The following DOCK10 variants were observed in gnomAD, a reference collection of about 807,000 sequenced individuals.
DOCK10 encodes the protein dedicator of cytokinesis 10.
DOCK10 carries 145 observed loss-of-function variants against 280.1 expected under a neutral mutation model. That is an observed-to-expected ratio of 0.52 (90% CI 0.45 to 0.59). The LOEUF is 0.59. Among genes scored for constraint, DOCK10 ranks in the 20% least tolerant of loss-of-function variants. The probability of loss-of-function intolerance (pLI) is 0.00; values close to 1 mark genes in which losing one functional copy is unlikely to be tolerated. For synonymous variants in DOCK10, 915 were observed against 942.2 expected, an observed-to-expected ratio of 0.97 and a Z score of 0.53; for missense variants, 2,368 against 2,651.7, an observed-to-expected ratio of 0.89 and a Z score of 2.35.
chr2:224,909,256 T>TGG (rs1700860492), intron 3 of DOCK10, among the ~76,000 whole-genome samples: 1 of 152,218 alleles, frequency 6.6e-6, no homozygotes, highest in Non-Finnish European at 1.5e-5. Flanking sequence ...AAACCCCTTG[T>TGG]GGGAGTGGTG....
intron 1 of DOCK10, among the ~76,000 whole-genome samples, chr2:225,038,186 G>A (rs763856336): frequency 1.3e-5 from 2 of 151,948 alleles, no homozygotes; most frequent in Non-Finnish European, 2.9e-5. Context: ...TCTGGATAGC[G>A]ACAGCAAAAC....
intron 3 of DOCK10, among the ~76,000 whole-genome samples, chr2:224,907,121 T>G (rs1046722324): frequency 2.0e-5 from 3 of 152,190 alleles, no homozygotes; most frequent in Non-Finnish European, 4.4e-5. Context: ...TGCCACCGGA[T>G]TCACAGTTGC....
chr2:224,864,928 T>A lies in DOCK10; in HGVS notation c.1417A>T (p.Arg473Ter). The A allele has an allele frequency of 6.2e-7, 1 of 1,613,996 alleles. No homozygotes were observed. Among genetic ancestry groups the A allele is most frequent in the Non-Finnish European group, 8.5e-7 (1 of 1,179,888 alleles). Reference sequence around the variant, plus strand: ...TTGATGTGAGGTTCTTCTGATTGTCTTGGAGTGATGGTGTCGATGTTGCCA... The same window carrying A: ...TTGATGTGAGGTTCTTCTGATTGTCATGGAGTGATGGTGTCGATGTTGCCA... ...ENGNIDTITP[R>*]QSEEPHIKGL... is the part of the protein sequence containing the mutation. Residue 473 changes from arginine to a stop codon, truncating the protein, a stop_gained, in exon 12 of 56, where the codon AGA becomes TGA. Coordinates refer to ENST00000258390, the MANE Select transcript of DOCK10 (RefSeq NM_014689.3). LOFTEE classifies it high-confidence loss of function.
chr2:225,027,097 T>C (rs1235151296), intron 1 of DOCK10, among the ~76,000 whole-genome samples: 1 of 152,158 alleles, frequency 6.6e-6, no homozygotes, highest in Non-Finnish European at 1.5e-5. Context: ...AGGGAATATA[T>C]GGAGAAAGAA....
rs544405109 is a variant in DOCK10 at position 224,876,539 on chromosome 2, G to T, written c.748-318C>A. 2.8e-4 allele frequency among the ~76,000 whole-genome samples: 42 copies of T among 152,272 alleles called. 1 individual carries two copies. The South Asian group carries it at 8.5e-3, about 31-fold the overall frequency. ...AAGAGTTTCTTTGAGTTTCTGCCTT[G>T]ACTTTCTCACCTTATATTCTGTGAT... On this transcript the variant is annotated intron_variant, in intron 7 of 55. Coordinates refer to ENST00000258390, the MANE Select transcript of DOCK10 (RefSeq NM_014689.3).
chr2:224,811,171 G>A (rs1401847051), intron 31 of DOCK10, among the ~76,000 whole-genome samples: 3 of 152,096 alleles, frequency 2.0e-5, no homozygotes, highest in African/African-American at 2.4e-5. Context: ...TTTAATGATC[G>A]CCATTCTAGC....
intron 1 of DOCK10, among the ~76,000 whole-genome samples, chr2:224,993,355 A>AGTAAATG (rs1413837556): frequency 6.6e-6 from 1 of 152,190 alleles, no homozygotes; most frequent in Non-Finnish European, 1.5e-5. Context: ...GATAAGGAGG[A>AGTAAATG]GTAAATGAGA....
At position 224,807,680 on chromosome 2, in the gene DOCK10, A is replaced by G; in HGVS notation, c.3690T>C (p.Asn1230=). The part of the protein sequence containing the change: ...YLKDLYPFTV[N]TSNQGSRDDL... ...TGTGCAAACGTACCTGATTAGATGT[A>G]TTGACAGTAAAAGGATACAGGTCCT... The change falls in exon 33 of 56, where the codon AAT becomes AAC. Residue 1230 remains asparagine, a synonymous_variant. Transcript: ENST00000258390. 6.4e-7 allele frequency: 1 copy of G among 1,555,630 alleles called. No individual in the cohort carries two copies.
Position 224,921,107 on chromosome 2 carries a change from AAAAAAAT to A in DOCK10, c.244-4330_244-4324del, listed in dbSNP as rs1185831290. Among the ~76,000 whole-genome samples, 208 of 68,422 alleles carry A rather than the reference AAAAAAAT, an allele frequency of 3.0e-3. 5 individuals are homozygous for A. The highest frequency in any genetic ancestry group is 0.011 in the African/African-American group (175 of 16,030). 44.9% of individuals were successfully genotyped at this position (68,422 alleles called of 152,430 possible). ...CCGTCTCTATTAAAAAAAAAAAAAAAAAAAAATATATATATATATATATATATAATGT... is the reference window on the plus strand; with the variant it reads ...CCGTCTCTATTAAAAAAAAAAAAAAAATATATATATATATATATATAATGT... On this transcript the variant is annotated intron_variant, in intron 2 of 55. Transcript: ENST00000258390.
chr2:224,949,553 T>C (rs1302055877), intron 1 of DOCK10, among the ~76,000 whole-genome samples: 1 of 152,168 alleles, frequency 6.6e-6, no homozygotes, highest in Non-Finnish European at 1.5e-5. Flanking sequence ...AAGATATCTC[T>C]AAGGTAGGCT....
At chr2:224,957,416 G>C (rs1009681641) in intron 1 of DOCK10, among the ~76,000 whole-genome samples, 2 of 151,982 alleles carry the variant, frequency 1.3e-5, no homozygotes, top group African/African-American at 4.8e-5. Flanking sequence ...TCAGCCTGCT[G>C]AGTAGCTGGG....
At chr2:225,034,699 C>T (rs955610123) in intron 1 of DOCK10, among the ~76,000 whole-genome samples, 17 of 152,146 alleles carry the variant, frequency 1.1e-4, no homozygotes, top group African/African-American at 2.7e-4. Flanking sequence ...GACAAGTTCT[C>T]GCTTTTCAAT....
At chr2:225,030,802 A>T (rs956375170) in intron 1 of DOCK10, among the ~76,000 whole-genome samples, 1 of 152,236 alleles carries the variant, frequency 6.6e-6, no homozygotes. Flanking sequence ...AAAATTTTAT[A>T]CAATGTATTG....
intron 1 of DOCK10, among the ~76,000 whole-genome samples, chr2:225,016,547 A>ATGCACATAGATACATATATCTATG (rs1559962588): frequency 3.4e-5 from 4 of 117,702 alleles, no homozygotes; most frequent in Admixed American, 8.6e-5. Flanking sequence ...ATATATCTAT[A>ATGCACATAGATACATATATCTATG]TGCACATAGA....
At chr2:224,796,095 G>A (rs1203756283) in intron 44 of DOCK10, among the ~76,000 whole-genome samples, 1 of 151,712 alleles carries the variant, frequency 6.6e-6, no homozygotes, top group Admixed American at 6.6e-5. Context: ...GTCTTGCTCT[G>A]TTACCCATGC....
At chr2:224,963,962 ACAAT>A (rs1704586885) in intron 1 of DOCK10, among the ~76,000 whole-genome samples, 1 of 151,276 alleles carries the variant, frequency 6.6e-6, no homozygotes, top group South Asian at 2.1e-4. Flanking sequence ...AAGCTAAACT[ACAAT>A]CACATGTTTT....
At chr2:224,824,373 C>T (rs1305707793) in intron 27 of DOCK10, among the ~76,000 whole-genome samples, 8 of 150,570 alleles carry the variant, frequency 5.3e-5, no homozygotes, top group Non-Finnish European at 1.5e-5. Context: ...CCTGTTTGGA[C>T]TCCTGCATAT....
intron 1 of DOCK10, among the ~76,000 whole-genome samples, chr2:224,993,788 C>G (rs1455581138): frequency 6.6e-6 from 1 of 152,120 alleles, no homozygotes; most frequent in South Asian, 2.1e-4. Context: ...GAGATTGGCT[C>G]CAGGATTGCT....
At chr2:224,855,336 C>A (rs760770504) in intron 15 of DOCK10, among the ~76,000 whole-genome samples, 37 of 151,810 alleles carry the variant, frequency 2.4e-4, no homozygotes, top group Non-Finnish European at 4.4e-4. Context: ...ACACAAAAAT[C>A]AAAAAAGTAC....
Sources: gnomAD v4.1 joint callset for allele counts (sites outside exome capture counted in the v4.1 genomes callset) on GRCh38, gnomAD v4.1.1 for gene constraint, MANE v1.5 for transcripts, NCBI Gene and HGNC (gene_info 2026-07-23, HGNC 2026-07-21) for gene names.